LY86: variants seen among roughly 807,000 people sequenced by gnomAD.
LY86 encodes lymphocyte antigen 86.
Under a neutral mutation model 17.3 loss-of-function variants are expected in LY86, and 20 were observed. That is an observed-to-expected ratio of 1.15 (90% CI 0.81 to 1.68). LY86 has a LOEUF of 1.68. Among genes scored for constraint, LY86 ranks in the 40% most tolerant of loss-of-function variants. LY86 has a pLI of 0.00. For missense variants in LY86, 200 were observed against 191.9 expected, an observed-to-expected ratio of 1.04 and a Z score of -0.25; for synonymous variants, 74 against 70.6, an observed-to-expected ratio of 1.05 and a Z score of -0.24.
intron 1 of LY86, among the ~76,000 whole-genome samples, chr6:6,612,373 T>C (rs1359973825): frequency 1.3e-5 from 2 of 152,160 alleles, no homozygotes; most frequent in East Asian, 1.9e-4. Flanking sequence ...ACATTTGGAG[T>C]GTTAATCATT....
intron 3 of LY86, among the ~76,000 whole-genome samples, chr6:6,641,054 A>G (rs556875409): frequency 2.0e-5 from 3 of 152,366 alleles, no homozygotes; most frequent in Admixed American, 6.5e-5. Context: ...TGAGTTCTCA[A>G]GTACACTTGT....
At position 6,605,140 on chromosome 6, in the gene LY86, G is replaced by A. The variant is rs774553615; in HGVS notation, c.136+16270G>A. 3.1e-4 allele frequency among the ~76,000 whole-genome samples: 47 copies of A among 151,876 alleles called. 1 individual carries two copies. The highest frequency in any genetic ancestry group is 7.3e-4 in the African/African-American group (30 of 41,328). Reference sequence around the variant, plus strand: ...TTTGAGATATAAAATGGAATGACAAGCAAAGTAGCAACTTTATCAATGAAT... The same window carrying A: ...TTTGAGATATAAAATGGAATGACAAACAAAGTAGCAACTTTATCAATGAAT... On this transcript the variant is annotated intron_variant, in intron 1 of 4. Transcript: ENST00000230568.
chr6:6,612,998 G>A (rs1046869914), intron 1 of LY86, among the ~76,000 whole-genome samples: 2 of 152,122 alleles, frequency 1.3e-5, no homozygotes, highest in African/African-American at 4.8e-5. Context: ...CAATCCTTGA[G>A]CTAGATACAG....
At chr6:6,594,805 A>C (rs113526411) in intron 1 of LY86, among the ~76,000 whole-genome samples, 193 of 152,328 alleles carry the variant, frequency 1.3e-3, no homozygotes, top group African/African-American at 4.4e-3. Flanking sequence ...TAATCCTTAC[A>C]AACAGGTAGA....
At chr6:6,608,828 G>GT (rs1204502616) in intron 1 of LY86, among the ~76,000 whole-genome samples, 1 of 152,216 alleles carries the variant, frequency 6.6e-6, no homozygotes, top group Non-Finnish European at 1.5e-5. Flanking sequence ...GGTCTGCGGG[G>GT]GAAGGACGGC....
In LY86 at chr6:6,624,939, T is replaced by A. The variant is rs750318701; in HGVS notation, c.150T>A (p.Asp50Glu). ...VLYQSCDPLQ[D>E]FGFSVEKCSK... is the part of the protein sequence containing the mutation. ...TCTTCTTCGTAGATCCATTACAAGA[T>A]TTTGGCTTTTCTGTTGAAAAGTGTT... The change falls in exon 2 of 5, where the codon GAT becomes GAA. Residue 50 changes from aspartate (D) to glutamate (E), a missense_variant. By Grantham distance (45) the Asp-to-Glu change is conservative. Coordinates refer to ENST00000230568, the MANE Select transcript of LY86 (RefSeq NM_004271.4). 1.3e-6 allele frequency: 2 copies of A among 1,549,076 alleles called. No individual in the cohort carries two copies. The highest frequency in any genetic ancestry group is 1.8e-6 in the Non-Finnish European group (2 of 1,127,940).
chr6:6,629,468 G>A (rs1761865874), intron 3 of LY86, among the ~76,000 whole-genome samples: 1 of 152,330 alleles, frequency 6.6e-6, no homozygotes, highest in Non-Finnish European at 1.5e-5. Context: ...ACAAGCTGCT[G>A]TTGACATGTT....
At chr6:6,589,533 G>A (rs1024225403) in intron 1 of LY86, among the ~76,000 whole-genome samples, 1 of 152,232 alleles carries the variant, frequency 6.6e-6, no homozygotes, top group Non-Finnish European at 1.5e-5. Context: ...ACTGTGGTAA[G>A]AAGTGTCAGA....
chr6:6,605,580 G>A (rs1003516534), intron 1 of LY86, among the ~76,000 whole-genome samples: 20 of 152,268 alleles, frequency 1.3e-4, no homozygotes, highest in Admixed American at 1.1e-3. Context: ...GAAAGCGCAT[G>A]ACAGCTGTCA....
chr6:6,628,552 GTCTC>G (rs1229201538), intron 3 of LY86, among the ~76,000 whole-genome samples: 2 of 151,720 alleles, frequency 1.3e-5, no homozygotes, highest in African/African-American at 2.4e-5. Flanking sequence ...CTCTCTGTCT[GTCTC>G]TCTCTCTGTC....
rs77066797 is a variant in LY86 at position 6,601,278 on chromosome 6, G to T, written c.136+12408G>T. The stretch of plus-strand genomic sequence containing the variant: ...GGAGAACAGGCAACGGAGAGAGAAG[G>T]CCACAGTTCCCTTCCTACTAAACCA... On this transcript the variant is annotated intron_variant, in intron 1 of 4. Transcript: ENST00000230568. Among the ~76,000 whole-genome samples, 601 of 152,242 alleles carry T rather than the reference G, an allele frequency of 3.9e-3. 1 individual carries two copies. The highest frequency in any genetic ancestry group is 0.02 in the Middle Eastern group (6 of 294).
At chr6:6,633,780 C>T (rs1411510843) in intron 3 of LY86, among the ~76,000 whole-genome samples, 1 of 152,190 alleles carries the variant, frequency 6.6e-6, no homozygotes, top group African/African-American at 2.4e-5. Flanking sequence ...GTGAGTAATA[C>T]TCTTTCAAAA....
At chr6:6,638,876 T>C (rs550571420) in intron 3 of LY86, among the ~76,000 whole-genome samples, 2 of 144,162 alleles carry the variant, frequency 1.4e-5, no homozygotes, top group African/African-American at 5.2e-5. Flanking sequence ...TTCTCATTGT[T>C]CAATTCCCAC....
At chr6:6,638,484 T>C (rs1485358946) in intron 3 of LY86, among the ~76,000 whole-genome samples, 3 of 152,192 alleles carry the variant, frequency 2.0e-5, no homozygotes, top group Admixed American at 6.5e-5. Context: ...AGAATTTACA[T>C]TTAAGTTAAA....
intron 1 of LY86, among the ~76,000 whole-genome samples, chr6:6,596,710 A>C (rs945447759): frequency 6.6e-6 from 1 of 152,180 alleles, no homozygotes; most frequent in East Asian, 1.9e-4. Context: ...TTTTAATGCT[A>C]GATGAAAGTG....
At chr6:6,605,591 T>C (rs886508165) in intron 1 of LY86, among the ~76,000 whole-genome samples, 5 of 152,318 alleles carry the variant, frequency 3.3e-5, no homozygotes, top group Admixed American at 1.3e-4. Context: ...ACAGCTGTCA[T>C]AGTCTCATGA....
chr6:6,606,797 T>TA (rs1261069461), intron 1 of LY86, among the ~76,000 whole-genome samples: 1 of 152,220 alleles, frequency 6.6e-6, no homozygotes, highest in African/African-American at 2.4e-5. Context: ...GGTTCCCGCT[T>TA]ACGCCTCTCC....
chr6:6,603,627 AAC>A (rs1245059815), intron 1 of LY86, among the ~76,000 whole-genome samples: 25 of 138,112 alleles, frequency 1.8e-4, no homozygotes, highest in African/African-American at 4.9e-4. Context: ...AACAAAAAAA[AAC>A]AAAACACACA....
At chr6:6,610,777 G>T (rs1581239408) in intron 1 of LY86, among the ~76,000 whole-genome samples, 1 of 152,188 alleles carries the variant, frequency 6.6e-6, no homozygotes, top group African/African-American at 2.4e-5. Context: ...AGCACAAATG[G>T]TGTAGAAATT....
Sources: allele counts gnomAD v4.1 joint callset (sites outside exome capture counted in the v4.1 genomes callset), GRCh38; gene constraint gnomAD v4.1.1; transcripts MANE v1.5; gene names NCBI Gene and HGNC (gene_info 2026-07-23, HGNC 2026-07-21).